AMPD2: variants seen among roughly 807,000 people sequenced by gnomAD.
AMPD2 encodes the protein AMP deaminase 2.
Under a neutral mutation model 91.3 loss-of-function variants are expected in AMPD2, and 52 were observed. That is an observed-to-expected ratio of 0.57 (90% CI 0.46 to 0.72). The LOEUF (loss-of-function observed/expected upper bound fraction) is 0.72. Among genes scored for constraint, AMPD2 ranks in the 30% least tolerant of loss-of-function variants. The pLI is 0.00. For missense variants in AMPD2, 822 were observed against 1,122.3 expected, an observed-to-expected ratio of 0.73 and a Z score of 3.82; for synonymous variants, 455 against 456.4, an observed-to-expected ratio of 1.00 and a Z score of 0.04.
intron 13 of AMPD2, 65 bp from the exon 14 acceptor site, chr1:109,629,044 T>G: frequency 6.3e-7 from 1 of 1,593,222 alleles, no homozygotes; most frequent in South Asian, 1.1e-5. Context: ...TGACCCTTGC[T>G]GGACCGCTGG....
intron 4 of AMPD2, 77 bp from the exon 5 acceptor site, chr1:109,626,083 C>A: frequency 6.7e-7 from 1 of 1,492,894 alleles, no homozygotes; most frequent in Non-Finnish European, 9.3e-7. Flanking sequence ...GTGCACAGCA[C>A]CTAGTGCGGT....
In AMPD2 at chr1:109,625,866, T is replaced by C. The variant is rs528410438; in HGVS notation, c.353+74T>C. 1.0e-5 allele frequency: 16 copies of C among 1,587,542 alleles called. No homozygotes were observed. The African/African-American group carries it at 2.0e-4, about 20-fold the overall frequency. On this transcript the variant is annotated intron_variant, in intron 4 of 18. Transcript: ENST00000528667. This position sits in a 1 kb window ranked among gnomAD's most constrained non-coding sequence, Gnocchi z 4.0. The stretch of plus-strand genomic sequence containing the variant: ...CCTTTCAGAGCCCCTTTTCTGCCTC[T>C]TTCCCTCGCACCCTGCCTTGGGGGG...
chr1:109,626,401 A>G lies in AMPD2; in HGVS notation c.505A>G (p.Thr169Ala). The change falls in exon 6 of 19, where the codon ACC (threonine) becomes GCC (alanine). Residue 169 changes from threonine to alanine, a missense_variant. By Grantham distance (58) the Thr-to-Ala change is moderately conservative. Transcript: ENST00000528667. ...DVLEREFQRV[T>A]ISGEEKCGVP... ...GCTGGAACGGGAGTTTCAGCGGGTCACCATCTCTGGGGAGGAGAAGTGTGG... is the reference window on the plus strand; with the variant it reads ...GCTGGAACGGGAGTTTCAGCGGGTCGCCATCTCTGGGGAGGAGAAGTGTGG... The G allele has an allele frequency of 6.2e-7, 1 of 1,611,514 alleles. No homozygotes were observed. The highest frequency in any genetic ancestry group is 8.5e-7 in the Non-Finnish European group (1 of 1,179,096).
rs371797266 is a variant in AMPD2 at position 109,626,707 on chromosome 1, C to G, written c.532-19C>G. ...TGAGTCCAAGACTGAGGAGAGTGAT[C>G]GCATATCCTCATCTCCAGGTGCCGT... On this transcript the variant is annotated intron_variant, in intron 6 of 18. Coordinates refer to ENST00000528667, the MANE Select transcript of AMPD2 (RefSeq NM_001368809.2). 1.1e-5 allele frequency: 17 copies of G among 1,605,958 alleles called. No homozygotes were observed. Among genetic ancestry groups the G allele is most frequent in the Non-Finnish European group, 1.4e-5 (17 of 1,175,266 alleles).
Position 109,629,485 on chromosome 1 carries a change from G to A in AMPD2, c.1857G>A (p.Leu619=), listed in dbSNP as rs746306959. The A allele has an allele frequency of 3.1e-6, 5 of 1,613,654 alleles. No individual in the cohort carries two copies. Among genetic ancestry groups the A allele is most frequent in the Non-Finnish European group, 4.2e-6 (5 of 1,179,888 alleles). Residue 619 remains leucine (L), a synonymous_variant, in exon 15 of 19, where the codon CTG becomes CTA. Coordinates refer to ENST00000528667, the MANE Select transcript of AMPD2 (RefSeq NM_001368809.2). ...TFANMAMLNH[L]RRQRGFHTFV... ...CCAACATGGCCATGTTGAACCACCT[G>A]CGCAGGTGCCTGCACCACCCTGTGT...
chr1:109,621,438 G>T (rs1228888431), intron 2 of AMPD2, 172 bp downstream of exon 2: 9 of 667,886 alleles, frequency 1.3e-5, no homozygotes, highest in African/African-American at 1.8e-5. Context: ...GTGAGGGGTG[G>T]TGGGGGGCGG....
At chr1:109,626,558 G>T (rs1390424424) in intron 6 of AMPD2, 131 bp downstream of exon 6, 2 of 1,301,310 alleles carry the variant, frequency 1.5e-6, no homozygotes, top group Admixed American at 2.5e-5. Flanking sequence ...CGGAGGGGCA[G>T]AGGGGCTGCC....
chr1:109,630,440 G>A (rs368106791), intron 17 of AMPD2, 34 bp downstream of exon 17: 3 of 1,374,168 alleles, frequency 2.2e-6, no homozygotes, highest in South Asian at 1.1e-5. Flanking sequence ...GCGGGCGGGC[G>A]TCCCAGGACG....
rs1014881276 is a variant in AMPD2 at position 109,620,553 on chromosome 1, C to T, written c.-263+275C>T. 5.6e-6 allele frequency: 7 copies of T among 1,260,748 alleles called. No homozygotes were observed. The East Asian group carries it at 1.2e-4, about 21-fold the overall frequency. The allele number at this position is 1,260,748 out of a possible 1,614,324, so 78.1% of individuals were successfully genotyped here. A position where few individuals can be genotyped will look rare whatever the true frequency, so the allele number is the denominator to read the frequency against. On this transcript the variant is annotated intron_variant, in intron 1 of 18. Coordinates refer to ENST00000528667, the MANE Select transcript of AMPD2 (RefSeq NM_001368809.2). ...CTATTTGGCGACGGTGGAATTTTCC[C>T]GGGACAGGCCCCTCCCTCCTGGGCT...
In AMPD2 at chr1:109,624,366, G is replaced by C. The variant is rs889133117; in HGVS notation, c.92-937G>C. Among the ~76,000 whole-genome samples, 13 of 152,230 alleles carry C rather than the reference G, an allele frequency of 8.5e-5. No homozygotes were observed. The highest frequency in any genetic ancestry group is 4.6e-4 in the Admixed American group (7 of 15,288). ...GAGCTGGGGCTGCTGAGCCCAGGGA[G>C]GGTCCTTCGGGGTAGGCTGGAAGCC... On this transcript the variant is annotated intron_variant, in intron 2 of 18. Coordinates refer to ENST00000528667, the MANE Select transcript of AMPD2 (RefSeq NM_001368809.2). The surrounding 1 kb of genome is among the most constrained non-coding windows in gnomAD (Gnocchi z 5.2).
intron 2 of AMPD2, among the ~76,000 whole-genome samples, chr1:109,622,616 T>C (rs1650354081): frequency 6.6e-6 from 1 of 152,146 alleles, no homozygotes; most frequent in African/African-American, 2.4e-5. Flanking sequence ...TCTGAGAACG[T>C]AGCGGTTACT....
At chr1:109,626,952 C>A in intron 7 of AMPD2, 40 bp downstream of exon 7, 1 of 1,585,388 alleles carries the variant, frequency 6.3e-7, no homozygotes, top group South Asian at 1.1e-5. Context: ...TGTGCCCTAG[C>A]CTCCTGGGCT....
rs1164753263 is a variant in AMPD2 at position 109,628,653 on chromosome 1, C to T, written c.1418C>T (p.Ser473Leu). The T allele has an allele frequency of 1.2e-6, 2 of 1,613,662 alleles. No homozygotes were observed. Among genetic ancestry groups the T allele is most frequent in the Non-Finnish European group, 1.7e-6 (2 of 1,179,874 alleles). Residue 473 changes from serine to leucine, a missense_variant, in exon 13 of 19, where the codon TCA becomes TTA. Physicochemically the swap from Ser to Leu is moderately radical, Grantham distance 145 (BLOSUM62 -2). Coordinates refer to ENST00000528667, the MANE Select transcript of AMPD2 (RefSeq NM_001368809.2). The surrounding 1 kb of genome is among the most constrained non-coding windows in gnomAD (Gnocchi z 7.1). ...TCACCTCATGTCTAGGAGGTGATGT[C>T]AGACCTGGAGGAGAGCAAATACCAG... ...YFAHIIKEVM[S>L]DLEESKYQNA...
chr1:109,620,153 G>A lies in AMPD2; in HGVS notation c.-388G>A, dbSNP rs1387877847. ...TCCCCATCTCAGTGCCAGGGCAGGG[G>A]CCCTTGGAGTGACTTGGCTGGGGTC... On this transcript the variant is annotated 5_prime_UTR_variant, in exon 1 of 19. Coordinates refer to ENST00000528667, the MANE Select transcript of AMPD2 (RefSeq NM_001368809.2). The A allele has an allele frequency of 7.1e-6, 10 of 1,414,906 alleles. No homozygotes were observed. The highest frequency in any genetic ancestry group is 2.3e-5 in the East Asian group (1 of 43,704). The allele number at this position is 1,414,906 out of a possible 1,614,324, so 87.6% of individuals were successfully genotyped here. A position where few individuals can be genotyped will look rare whatever the true frequency, so the allele number is the denominator to read the frequency against.
intron 2 of AMPD2, among the ~76,000 whole-genome samples, chr1:109,622,001 G>C (rs1650312711): frequency 6.6e-6 from 1 of 152,238 alleles, no homozygotes; most frequent in South Asian, 2.1e-4. Context: ...CTCAGTGAGG[G>C]CTTGGCTGCC....
intron 1 of AMPD2, 152 bp from the exon 2 acceptor site, chr1:109,620,762 C>G: frequency 7.8e-7 from 1 of 1,278,774 alleles, no homozygotes; most frequent in Non-Finnish European, 9.9e-7. Context: ...TTCTTCCAGG[C>G]TAGCTGGAAG....
Position 109,627,917 on chromosome 1 carries a change from C to T in AMPD2, c.1080+14C>T. On this transcript the variant is annotated intron_variant, in intron 10 of 18. Transcript: ENST00000528667. ...AACATCCGCAAGGTGGGCCCTCACC[C>T]CGTGGCCGTCTCCATGTCCTCATCC... 1 of 1,613,878 alleles carries T rather than the reference C, an allele frequency of 6.2e-7. No individual in the cohort carries two copies. Among genetic ancestry groups the T allele is most frequent in the Non-Finnish European group, 8.5e-7 (1 of 1,179,906 alleles).
In AMPD2 at chr1:109,630,809, C is replaced by G. The variant is rs1285180227; in HGVS notation, c.2268+16C>G. 1.9e-6 allele frequency: 3 copies of G among 1,600,426 alleles called. No individual in the cohort carries two copies. The South Asian group carries it at 3.4e-5, about 18-fold the overall frequency. On this transcript the variant is annotated intron_variant, in intron 18 of 18. Transcript: ENST00000528667. ...CTCGCACAAGGTACTACAGCGCCTGCCTGGACCTTGGCATGGCATCACTCC... is the reference window on the plus strand; with the variant it reads ...CTCGCACAAGGTACTACAGCGCCTGGCTGGACCTTGGCATGGCATCACTCC...
intron 6 of AMPD2, 126 bp downstream of exon 6, chr1:109,626,553 G>A: frequency 7.8e-7 from 1 of 1,286,244 alleles, no homozygotes; most frequent in Non-Finnish European, 1.1e-6. Flanking sequence ...AGGGGCGGAG[G>A]GGCAGAGGGG....
Sources: gnomAD v4.1 joint callset for allele counts (sites outside exome capture counted in the v4.1 genomes callset) on GRCh38, gnomAD v4.1.1 for gene constraint, Gnocchi (gnomAD v3.1) non-coding constraint, MANE v1.5 for transcripts, NCBI Gene and HGNC (gene_info 2026-07-23, HGNC 2026-07-21) for gene names.